The following ROBO2 variants were observed in gnomAD, a reference collection of about 807,000 sequenced individuals.
ROBO2 encodes roundabout homolog 2.
In ROBO2, 53 loss-of-function variants were observed where a neutral mutation model predicts 160.8. That is an observed-to-expected ratio of 0.33 (90% CI 0.26 to 0.41). The LOEUF (loss-of-function observed/expected upper bound fraction) is 0.41. ROBO2 is among the 10% of genes least tolerant of loss of function. The pLI, the probability that ROBO2 is intolerant of heterozygous loss-of-function variation, is 1.00. For synonymous variants in ROBO2, 664 were observed against 611.7 expected (o/e 1.09, Z -1.26); for missense variants, 1,577 against 1,722.4 (o/e 0.92, Z 1.49).
At chr3:76,294,191 C>T (rs1379054177) in intron 2 of ROBO2, among the ~76,000 whole-genome samples, 2 of 152,112 alleles carry the variant, frequency 1.3e-5, no homozygotes, top group Non-Finnish European at 2.9e-5. Flanking sequence ...TCCGAGCCTG[C>T]AGGGCAAAGG....
chr3:76,349,661 A>G (rs1420126013), intron 2 of ROBO2, among the ~76,000 whole-genome samples: 1 of 152,134 alleles, frequency 6.6e-6, no homozygotes, highest in Non-Finnish European at 1.5e-5. Flanking sequence ...GCAAGCTAAC[A>G]AGTTAGCCTG....
chr3:76,622,310 G>GAAAGAAAGA (rs1174750934), intron 2 of ROBO2, among the ~76,000 whole-genome samples: 1 of 141,652 alleles, frequency 7.1e-6, no homozygotes, highest in African/African-American at 2.7e-5. Flanking sequence ...AAGAAAGAAA[G>GAAAGAAAGA]AAAACATAGC....
intron 2 of ROBO2, among the ~76,000 whole-genome samples, chr3:76,115,263 C>CCTAT (rs1362539963): frequency 6.6e-6 from 1 of 151,910 alleles, no homozygotes; most frequent in Non-Finnish European, 1.5e-5. Context: ...TTTGCATCAC[C>CCTAT]ATAGGCACCA....
At chr3:76,934,243 A>G (rs1369732532) in intron 2 of ROBO2, among the ~76,000 whole-genome samples, 1 of 151,936 alleles carries the variant, frequency 6.6e-6, no homozygotes, top group African/African-American at 2.4e-5. Context: ...CTTTTTAGGT[A>G]CAAAACAAAT....
intron 2 of ROBO2, among the ~76,000 whole-genome samples, chr3:76,507,395 G>C (rs898450171): frequency 6.6e-6 from 1 of 151,934 alleles, no homozygotes; most frequent in African/African-American, 2.4e-5. Flanking sequence ...ATGAACTTAT[G>C]AGTTCTTTAT....
chr3:76,038,280 G>C (rs1476013981), intron 2 of ROBO2, among the ~76,000 whole-genome samples: 2 of 151,966 alleles, frequency 1.3e-5, no homozygotes, highest in Non-Finnish European at 2.9e-5. Context: ...ATAGGAGTAG[G>C]TGAGATTGCA....
chr3:76,814,441 AGTGCGTG>A (rs1250672790), intron 2 of ROBO2, among the ~76,000 whole-genome samples: 2 of 152,164 alleles, frequency 1.3e-5, no homozygotes, highest in Non-Finnish European at 2.9e-5. Context: ...GAGCAAATAT[AGTGCGTG>A]CCAATCTATC....
intron 2 of ROBO2, among the ~76,000 whole-genome samples, chr3:76,384,571 C>T (rs558693264): frequency 2.5e-4 from 38 of 152,174 alleles, no homozygotes; most frequent in Admixed American, 2.0e-4. Context: ...TAGAACTGCC[C>T]AAGACTGGGT....
intron 2 of ROBO2, among the ~76,000 whole-genome samples, chr3:76,386,064 A>T (rs778831507): frequency 1.3e-5 from 2 of 152,180 alleles, no homozygotes; most frequent in Non-Finnish European, 2.9e-5. Flanking sequence ...CCTTATATTT[A>T]AATTGAAATA....
chr3:77,421,069 A>G (rs1004981689), intron 2 of ROBO2, among the ~76,000 whole-genome samples: 1 of 152,108 alleles, frequency 6.6e-6, no homozygotes, highest in Non-Finnish European at 1.5e-5. Context: ...TTCCTATCAC[A>G]CTGGAAAAAT....
At chr3:76,646,707 C>G (rs556968205) in intron 2 of ROBO2, among the ~76,000 whole-genome samples, 3 of 152,026 alleles carry the variant, frequency 2.0e-5, no homozygotes, top group South Asian at 2.1e-4. Flanking sequence ...ACGTCTTTAC[C>G]TCTGCCAAGA....
At chr3:77,590,041 G>A (rs2094144077) in intron 17 of ROBO2, among the ~76,000 whole-genome samples, 1 of 152,070 alleles carries the variant, frequency 6.6e-6, no homozygotes, top group South Asian at 2.1e-4. Flanking sequence ...TGAGAATGTG[G>A]AAATAGTGCA....
chr3:75,922,475 A>G (rs931014453), intron 1 of ROBO2, among the ~76,000 whole-genome samples: 1 of 152,102 alleles, frequency 6.6e-6, no homozygotes, highest in Non-Finnish European at 1.5e-5. Flanking sequence ...AATCAGCAGC[A>G]AGTGTTTGCA....
At chr3:77,103,780 A>G (rs1227740340) in intron 2 of ROBO2, among the ~76,000 whole-genome samples, 1 of 152,192 alleles carries the variant, frequency 6.6e-6, no homozygotes, top group Non-Finnish European at 1.5e-5. Context: ...TTAAATAGAA[A>G]ATTAAATTGA....
At chr3:76,430,865 T>C (rs1408730799) in intron 2 of ROBO2, among the ~76,000 whole-genome samples, 1 of 152,064 alleles carries the variant, frequency 6.6e-6, no homozygotes, top group Non-Finnish European at 1.5e-5. Flanking sequence ...TTAAAAAGTC[T>C]TAAAGGCTTA....
intron 2 of ROBO2, among the ~76,000 whole-genome samples, chr3:76,656,226 C>G (rs1416992949): frequency 6.6e-6 from 1 of 152,130 alleles, no homozygotes; most frequent in Non-Finnish European, 1.5e-5. Flanking sequence ...GCCAAAACTC[C>G]ACAGTACCTG....
intron 23 of ROBO2, among the ~76,000 whole-genome samples, chr3:77,625,388 T>TC (rs1318874126): frequency 1.4e-5 from 2 of 146,620 alleles, no homozygotes; most frequent in African/African-American, 5.0e-5. Context: ...TCTTTCTTCT[T>TC]TTTTTTTTTT....
intron 2 of ROBO2, among the ~76,000 whole-genome samples, chr3:76,602,065 C>T (rs984840380): frequency 6.6e-5 from 10 of 152,152 alleles, no homozygotes; most frequent in East Asian, 3.9e-4. Flanking sequence ...TAACAAGAGT[C>T]GCCTTTGCTC....
intron 2 of ROBO2, among the ~76,000 whole-genome samples, chr3:76,430,305 T>C (rs951387074): frequency 5.9e-5 from 9 of 152,254 alleles, no homozygotes; most frequent in African/African-American, 1.7e-4. Context: ...AATATCAATA[T>C]GAAATAAAAA....
Sources: gnomAD v4.1 joint callset for allele counts (sites outside exome capture counted in the v4.1 genomes callset) on GRCh38, gnomAD v4.1.1 for gene constraint, MANE v1.5 for transcripts, NCBI Gene and HGNC (gene_info 2026-07-23, HGNC 2026-07-21) for gene names.